NARF: variants seen among roughly 807,000 people sequenced by gnomAD.
NARF encodes nuclear prelamin A recognition factor.
NARF carries 41 observed loss-of-function variants against 48.0 expected under a neutral mutation model. That is an observed-to-expected ratio of 0.85 (90% CI 0.66 to 1.11). The LOEUF (loss-of-function observed/expected upper bound fraction) is 1.11, where lower values mean the gene tolerates loss of function less well. Ranked by LOEUF, NARF falls within the 50% of genes least tolerant of loss-of-function variation. The probability of loss-of-function intolerance (pLI) is 0.00; values close to 1 mark genes in which losing one functional copy is unlikely to be tolerated. For missense variants in NARF, 613 were observed against 590.2 expected (o/e 1.04, Z -0.40); for synonymous variants, 215 against 225.5 (o/e 0.95, Z 0.42).
Position 82,465,381 on chromosome 17 carries a change from C to T in NARF, c.252+951C>T, listed in dbSNP as rs78835868. Among the ~76,000 whole-genome samples, 943 of 152,262 alleles carry T rather than the reference C, an allele frequency of 6.2e-3. 8 individuals carry two copies. The highest frequency in any genetic ancestry group is 0.022 in the African/African-American group (898 of 41,546). On this transcript the variant is annotated intron_variant, in intron 3 of 10. Coordinates refer to ENST00000309794, the MANE Select transcript of NARF (RefSeq NM_012336.4). Reference sequence around the variant, plus strand: ...CTTGGTTTCCATGCTGTCACCTCCACGGGAAGCACCGGCATCCTACCCTGC... The same window carrying T: ...CTTGGTTTCCATGCTGTCACCTCCATGGGAAGCACCGGCATCCTACCCTGC...
At chr17:82,475,290 G>A (rs1275090929) in intron 5 of NARF, among the ~76,000 whole-genome samples, 2 of 152,200 alleles carry the variant, frequency 1.3e-5, no homozygotes, top group South Asian at 2.1e-4. Flanking sequence ...TGCCCCTGGA[G>A]CAGTGGTTTT....
At chr17:82,461,650 G>C (rs986107804) in intron 2 of NARF, among the ~76,000 whole-genome samples, 9 of 152,262 alleles carry the variant, frequency 5.9e-5, no homozygotes, top group African/African-American at 2.2e-4. Flanking sequence ...CTCATTTCAC[G>C]CCCAGAAGGA....
At chr17:82,478,961 G>C in intron 6 of NARF, 43 bp downstream of exon 6, 3 of 1,575,846 alleles carry the variant, frequency 1.9e-6, no homozygotes, top group Non-Finnish European at 2.6e-6. Flanking sequence ...AGGTGAGGGA[G>C]GACCATGGCA....
chr17:82,463,531 A>C (rs1359789522), intron 2 of NARF: 1 of 152,316 alleles, frequency 6.6e-6, no homozygotes. Flanking sequence ...TGCTTCATGC[A>C]GAAGGATGGC....
In NARF at chr17:82,458,768, G is replaced by A. The variant is rs1065627; in HGVS notation, c.-36G>A. ...CCCAGTCTCCCGGTGCTTCCCTGAG[G>A]CTGAGGCGCCCGGCCTCCCGCCCGC... On this transcript the variant is annotated 5_prime_UTR_variant, in exon 1 of 11. Coordinates refer to ENST00000309794, the MANE Select transcript of NARF (RefSeq NM_012336.4). 1.5e-5 allele frequency: 22 copies of A among 1,471,706 alleles called. No homozygotes were observed. The African/African-American group carries it at 2.9e-4, about 20-fold the overall frequency. 91.2% of individuals were successfully genotyped at this position (1,471,706 alleles called of 1,614,324 possible). A position where few individuals can be genotyped will look rare whatever the true frequency, so the allele number is the denominator to read the frequency against.
rs747946354 is a variant in NARF, at chr17:82,488,038, G to A, written c.1252G>A (p.Val418Met). Residue 418 changes from valine to methionine, a missense_variant, in exon 11 of 11, where the codon GTG (valine) becomes ATG (methionine). Transcript: ENST00000309794. ...PVRRPESSAHVQELYQEWLEG... is the reference protein window; with the variant it reads ...PVRRPESSAHMQELYQEWLEG... ...GCGGCGTCCGGAGTCCAGTGCACAC[G>A]TGCAGGAGCTGTACCAGGAGTGGCT... 8 of 1,614,050 alleles carry A rather than the reference G, an allele frequency of 5.0e-6. No homozygotes were observed. Among genetic ancestry groups the A allele is most frequent in the African/African-American group, 4.0e-5 (3 of 74,928 alleles).
rs2043740280 is a variant in NARF at position 82,472,685 on chromosome 17, C to T, written c.507C>T (p.Thr169=). Residue 169 remains threonine, a synonymous_variant, in exon 5 of 11, where the codon ACC becomes ACT. Transcript: ENST00000309794. ...AGGAACGCACCCTGCCCATGCTGACCTCTGCCTGTCCTGGTGAGCCCCTGG... is the reference window on the plus strand; with the variant it reads ...AGGAACGCACCCTGCCCATGCTGACTTCTGCCTGTCCTGGTGAGCCCCTGG... The part of the protein sequence containing the change: ...SEEERTLPML[T]SACPGWVRYA... The T allele has an allele frequency of 6.2e-7, 1 of 1,613,350 alleles. No homozygotes were observed. Among genetic ancestry groups the T allele is most frequent in the Non-Finnish European group, 8.5e-7 (1 of 1,179,762 alleles).
intron 5 of NARF, among the ~76,000 whole-genome samples, chr17:82,474,043 G>T (rs894191092): frequency 6.6e-6 from 1 of 152,094 alleles, no homozygotes; most frequent in Admixed American, 6.6e-5. Context: ...AAAAAAGCCA[G>T]GGGTGGTGGC....
chr17:82,465,758 G>T (rs868452751), intron 3 of NARF, among the ~76,000 whole-genome samples: 1 of 152,086 alleles, frequency 6.6e-6, no homozygotes, highest in Non-Finnish European at 1.5e-5. Flanking sequence ...TAGAGACAGG[G>T]TTTTGCCATG....
intron 2 of NARF, chr17:82,463,408 G>A (rs993397118): frequency 2.0e-5 from 3 of 152,412 alleles, no homozygotes; most frequent in South Asian, 2.1e-4. Flanking sequence ...AGCAACATAA[G>A]TACAGATGGG....
intron 1 of NARF, 122 bp downstream of exon 1, chr17:82,458,952 C>T: frequency 4.9e-6 from 6 of 1,224,906 alleles, no homozygotes; most frequent in Non-Finnish European, 6.1e-6. Flanking sequence ...GCGCCCCCGG[C>T]CTCGGCACCC....
chr17:82,484,636 C>T (rs1270833319), intron 8 of NARF, 177 bp from the exon 9 acceptor site: 3 of 705,496 alleles, frequency 4.3e-6, no homozygotes, highest in East Asian at 6.6e-5. Context: ...GGCAGGCCCT[C>T]CCAAGACCCC....
chr17:82,468,656 T>C, intron 3 of NARF, 108 bp from the exon 4 acceptor site: 1 of 1,078,334 alleles, frequency 9.3e-7, no homozygotes, highest in Admixed American at 2.5e-5. Context: ...TTTATTAGTC[T>C]TTGCATAGAC....
intron 8 of NARF, chr17:82,484,071 C>T (rs2044037045): frequency 2.8e-6 from 1 of 357,590 alleles, no homozygotes; most frequent in African/African-American, 2.1e-5. Flanking sequence ...CTCGCTGGCG[C>T]AGGGCTGTTC....
At chr17:82,466,665 C>A (rs1364712053) in intron 3 of NARF, among the ~76,000 whole-genome samples, 1 of 152,150 alleles carries the variant, frequency 6.6e-6, no homozygotes, top group African/African-American at 2.4e-5. Flanking sequence ...GTTGGCCAGG[C>A]TGGTCTCGAA....
rs1413014307 is a variant in NARF at position 82,490,487 on chromosome 17, T to C, written c.*2330T>C. 6.6e-6 allele frequency: 1 copy of C among 152,324 alleles called. No individual in the cohort carries two copies. The highest frequency in any genetic ancestry group is 1.5e-5 in the Non-Finnish European group (1 of 68,066). The allele number at this position is 152,324 out of a possible 1,614,324, so 9.4% of individuals were successfully genotyped here. On this transcript the variant is annotated 3_prime_UTR_variant, in exon 11 of 11. Transcript: ENST00000309794. ...GTGTATTTGTTTTGCTTTCAGTCTA[T>C]ATACAGTTGGGTTTCCAACCTCTGA... is the stretch of plus-strand genomic sequence containing the variant.
chr17:82,468,642 C>G (rs1200197081), intron 3 of NARF, 122 bp from the exon 4 acceptor site: 1 of 906,002 alleles, frequency 1.1e-6, no homozygotes, highest in African/African-American at 1.7e-5. Flanking sequence ...CAGTGTTTGT[C>G]TATTTTATTA....
At chr17:82,459,862 G>A in intron 1 of NARF, 130 bp from the exon 2 acceptor site, 1 of 687,714 alleles carries the variant, frequency 1.5e-6, no homozygotes, top group South Asian at 2.0e-5. Flanking sequence ...GCGAGACTCC[G>A]TCTAAAAAAA....
At chr17:82,458,873 C>T (rs563729518) in intron 1 of NARF, 43 bp downstream of exon 1, 5 of 1,352,874 alleles carry the variant, frequency 3.7e-6, no homozygotes, top group Non-Finnish European at 4.7e-6. Flanking sequence ...GGTGCTTGTC[C>T]TGTGGGGCTC....
Sources: allele counts gnomAD v4.1 joint callset (sites outside exome capture counted in the v4.1 genomes callset), GRCh38; gene constraint gnomAD v4.1.1; transcripts MANE v1.5; gene names NCBI Gene and HGNC (gene_info 2026-07-23, HGNC 2026-07-21).